The following KLF8 variants were observed in gnomAD, a reference collection of about 807,000 sequenced individuals.
KLF8 encodes the protein KLF transcription factor 8.
A neutral mutation model predicts 18.2 loss-of-function variants in KLF8; 10 were observed. That is an observed-to-expected ratio of 0.55 (90% CI 0.34 to 0.93). The LOEUF (loss-of-function observed/expected upper bound fraction) is 0.93, where lower values mean the gene tolerates loss of function less well. Among genes scored for constraint, KLF8 ranks in the 40% least tolerant of loss-of-function variants. The pLI, the probability that KLF8 is intolerant of heterozygous loss-of-function variation, is 0.02. For synonymous variants in KLF8, 109 were observed against 97.3 expected, an observed-to-expected ratio of 1.12 and a Z score of -0.71; for missense variants, 264 against 277.9, an observed-to-expected ratio of 0.95 and a Z score of 0.36.
chrX:56,180,073 CCCCT>C, the KLF8 span, among the ~76,000 whole-genome samples: 1 of 111,435 alleles, frequency 9.0e-6, no homozygotes, highest in Non-Finnish European at 1.9e-5. Flanking sequence ...ATGGTACCAG[CCCCT>C]CCTTGTACAT....
the KLF8 span, among the ~76,000 whole-genome samples, chrX:56,164,671 A>T: frequency 1.1e-5 from 1 of 90,539 alleles, no homozygotes. Flanking sequence ...TCTTTTCTGT[A>T]TGCCCACTGT....
At chrX:56,212,664 G>T in the KLF8 span, among the ~76,000 whole-genome samples, 2 of 112,225 alleles carry the variant, frequency 1.8e-5, no homozygotes, top group Non-Finnish European at 3.8e-5. Flanking sequence ...CACCACTGCT[G>T]TGTATTCAGG....
chrX:56,273,390 A>G (rs1388910782), intron 5 of KLF8, among the ~76,000 whole-genome samples: 1 of 110,252 alleles, frequency 9.1e-6, no homozygotes, highest in Non-Finnish European at 1.9e-5. Flanking sequence ...ACTATAATGA[A>G]GCTGTTGTGC....
chrX:56,105,350 A>T, the KLF8 span, among the ~76,000 whole-genome samples: 5 of 111,389 alleles, frequency 4.5e-5, no homozygotes, highest in Non-Finnish European at 9.4e-5. Context: ...TGGAAGTCTA[A>T]GTCTCTTTGT....
At chrX:55,929,892 AAG>A in the KLF8 span, among the ~76,000 whole-genome samples, 1 of 109,411 alleles carries the variant, frequency 9.1e-6, no homozygotes, top group Non-Finnish European at 1.9e-5. Flanking sequence ...ATGAAATTTA[AAG>A]AGTTTTTTTT....
At chrX:56,041,843 C>A in the KLF8 span, among the ~76,000 whole-genome samples, 1 of 111,571 alleles carries the variant, frequency 9.0e-6, no homozygotes, top group African/African-American at 3.3e-5. Context: ...GCACATGCCA[C>A]AACACTCAGC....
chrX:55,969,779 C>A, the KLF8 span, among the ~76,000 whole-genome samples: 1 of 111,158 alleles, frequency 9.0e-6, no homozygotes, highest in Admixed American at 9.6e-5. Flanking sequence ...TCACAGAAAT[C>A]CAAAGAAACA....
At chrX:55,938,010 G>T in the KLF8 span, among the ~76,000 whole-genome samples, 1 of 109,769 alleles carries the variant, frequency 9.1e-6, no homozygotes, top group African/African-American at 3.3e-5. Flanking sequence ...TTCAAATTCA[G>T]GAAATACAGA....
At chrX:56,126,391 A>G in the KLF8 span, among the ~76,000 whole-genome samples, 6 of 112,130 alleles carry the variant, frequency 5.4e-5, no homozygotes. Flanking sequence ...GAATATCATA[A>G]TAGCCTCTTA....
intron 5 of KLF8, 87 bp from the exon 6 acceptor site, chrX:56,284,226 T>A (rs1401691989): frequency 2.7e-6 from 2 of 748,681 alleles, no homozygotes; most frequent in Non-Finnish European, 3.7e-6. Context: ...CACTAAAGCC[T>A]TGATACGAGT....
At chrX:56,058,513 C>T in the KLF8 span, among the ~76,000 whole-genome samples, 3 of 99,687 alleles carry the variant, frequency 3.0e-5, no homozygotes, top group South Asian at 5.1e-4. Flanking sequence ...CCACCCCCAC[C>T]GCCAACAGGA....
chrX:56,155,349 G>A, the KLF8 span, among the ~76,000 whole-genome samples: 3 of 110,948 alleles, frequency 2.7e-5, no homozygotes, highest in East Asian at 2.8e-4. Flanking sequence ...GCAAACTATC[G>A]CAAGGAGAAA....
the KLF8 span, among the ~76,000 whole-genome samples, chrX:56,159,378 G>T: frequency 2.0e-4 from 23 of 112,430 alleles, no homozygotes; most frequent in Non-Finnish European, 3.6e-4. Flanking sequence ...CCAGGCTTTT[G>T]TATCAGGATG....
At chrX:55,987,371 C>A in the KLF8 span, among the ~76,000 whole-genome samples, 1 of 109,612 alleles carries the variant, frequency 9.1e-6, no homozygotes, top group African/African-American at 3.3e-5. Context: ...CCACAACAGG[C>A]CCCGGGGTGT....
At chrX:56,036,589 G>A in the KLF8 span, among the ~76,000 whole-genome samples, 1 of 112,151 alleles carries the variant, frequency 8.9e-6, no homozygotes, top group Admixed American at 9.5e-5. Context: ...CGACTTTGTA[G>A]TATATTTTGA....
At chrX:56,136,017 A>C in the KLF8 span, among the ~76,000 whole-genome samples, 1 of 111,670 alleles carries the variant, frequency 9.0e-6, no homozygotes, top group African/African-American at 3.3e-5. Context: ...CAAAGAGAAT[A>C]AAATACCTAG....
At chrX:56,266,771 G>A (rs1602452014) in intron 3 of KLF8, 1 of 750,531 alleles carries the variant, frequency 1.3e-6, no homozygotes, top group African/African-American at 2.3e-5. Context: ...GAAATGACTA[G>A]GAAGCAGATT....
chrX:56,099,394 C>T, the KLF8 span, among the ~76,000 whole-genome samples: 4 of 111,233 alleles, frequency 3.6e-5, no homozygotes, highest in Admixed American at 1.9e-4. Context: ...TCTCTATTCC[C>T]TATGACACAA....
the KLF8 span, among the ~76,000 whole-genome samples, chrX:56,173,989 T>C: frequency 8.0e-5 from 9 of 111,966 alleles, no homozygotes; most frequent in Non-Finnish European, 1.3e-4. Context: ...CTTAAGGAGA[T>C]TTTGGGCTGA....
Sources: gnomAD v4.1 joint callset for allele counts (sites outside exome capture counted in the v4.1 genomes callset) on GRCh38, gnomAD v4.1.1 for gene constraint, MANE v1.5 for transcripts, NCBI Gene and HGNC (gene_info 2026-07-23, HGNC 2026-07-21) for gene names.